Variants in MAGI1 observed in about 807,000 individuals in gnomAD.
MAGI1 encodes the protein membrane associated guanylate kinase, WW and PDZ domain containing 1.
In MAGI1, 58 loss-of-function variants were observed where a neutral mutation model predicts 139.9. The ratio of observed to expected loss-of-function variants is 0.41; its 90% confidence interval spans 0.34 to 0.52. The LOEUF (loss-of-function observed/expected upper bound fraction) is 0.52, where lower values mean the gene tolerates loss of function less well. Ranked by LOEUF, MAGI1 falls within the 20% of genes least tolerant of loss-of-function variation. The pLI, the probability that MAGI1 is intolerant of heterozygous loss-of-function variation, is 0.12. For missense variants in MAGI1, 1,874 were observed against 1,901.6 expected (o/e 0.99, Z 0.27); for synonymous variants, 812 against 737.9 (o/e 1.10, Z -1.63).
intron 1 of MAGI1, among the ~76,000 whole-genome samples, chr3:65,854,093 GCGAGACTCTGT>G (rs1429786012): frequency 1.3e-5 from 2 of 151,526 alleles, no homozygotes; most frequent in Non-Finnish European, 2.9e-5. Context: ...GGGCAACAGA[GCGAGACTCTGT>G]CTCAAAAAAA....
intron 2 of MAGI1, among the ~76,000 whole-genome samples, chr3:65,500,892 GATC>G (rs2077055216): frequency 6.6e-6 from 1 of 152,182 alleles, no homozygotes; most frequent in South Asian, 2.1e-4. Context: ...GTTAAGAACA[GATC>G]ATCATTTTCC....
intron 1 of MAGI1, among the ~76,000 whole-genome samples, chr3:65,968,848 G>C (rs900035939): frequency 6.6e-6 from 1 of 152,118 alleles, no homozygotes; most frequent in African/African-American, 2.4e-5. Context: ...GAAATGTAAT[G>C]GTTTGTTTGA....
chr3:65,442,725 C>T, intron 8 of MAGI1, 67 bp downstream of exon 8: 1 of 1,207,344 alleles, frequency 8.3e-7, no homozygotes, highest in East Asian at 2.4e-5. Context: ...TCAGGCTGTA[C>T]TTAACACAAA....
At chr3:66,025,344 G>A (rs1055313133) in intron 1 of MAGI1, among the ~76,000 whole-genome samples, 3 of 151,922 alleles carry the variant, frequency 2.0e-5, no homozygotes, top group Admixed American at 1.3e-4. Flanking sequence ...TCTGAGACCA[G>A]CCTGAGCAAG....
chr3:65,856,631 T>C (rs985386013), intron 1 of MAGI1, among the ~76,000 whole-genome samples: 4 of 152,196 alleles, frequency 2.6e-5, no homozygotes, highest in Non-Finnish European at 5.9e-5. Flanking sequence ...CTCCCCTCCA[T>C]TCTGACATAT....
chr3:65,478,877 C>G lies in MAGI1; in HGVS notation c.551-79G>C. ...TTTTTAAGACTTCACATCCAAATCTCTAGGCACATTAAAAAAAAAATTAAA... is the reference window on the plus strand; with the variant it reads ...TTTTTAAGACTTCACATCCAAATCTGTAGGCACATTAAAAAAAAAATTAAA... On this transcript the variant is annotated intron_variant, in intron 3 of 22. Coordinates refer to ENST00000402939, the MANE Select transcript of MAGI1 (RefSeq NM_001033057.2). 3 of 1,067,706 alleles carry G rather than the reference C, an allele frequency of 2.8e-6. No homozygotes were observed. In the Admixed American group the frequency reaches 5.9e-5, roughly 21 times the overall value. The allele number at this position is 1,067,706 out of a possible 1,614,324, so 66.1% of individuals were successfully genotyped here. A position where few individuals can be genotyped will look rare whatever the true frequency, so the allele number is the denominator to read the frequency against.
chr3:65,460,991 T>C (rs550083337), intron 5 of MAGI1, among the ~76,000 whole-genome samples: 5 of 152,294 alleles, frequency 3.3e-5, no homozygotes, highest in South Asian at 2.1e-4. Flanking sequence ...CTATTGTGAA[T>C]AGGGCTGCAA....
intron 10 of MAGI1, among the ~76,000 whole-genome samples, chr3:65,431,173 T>C (rs2107346890): frequency 6.6e-6 from 1 of 152,312 alleles, no homozygotes; most frequent in Non-Finnish European, 1.5e-5. Context: ...TTTCCATTCA[T>C]GCACTTTGAC....
intron 1 of MAGI1, among the ~76,000 whole-genome samples, chr3:65,806,511 C>A (rs1313183868): frequency 6.6e-6 from 1 of 152,132 alleles, no homozygotes; most frequent in African/African-American, 2.4e-5. Context: ...TGTTACTGTA[C>A]CTCACTTCCG....
chr3:65,942,569 G>C (rs2063361968), intron 1 of MAGI1, among the ~76,000 whole-genome samples: 1 of 152,132 alleles, frequency 6.6e-6, no homozygotes, highest in Non-Finnish European at 1.5e-5. Context: ...TGAGGTCAAA[G>C]TTCTAATGAT....
At chr3:65,992,051 G>A (rs1283607794) in intron 1 of MAGI1, among the ~76,000 whole-genome samples, 4 of 151,980 alleles carry the variant, frequency 2.6e-5, no homozygotes, top group East Asian at 3.9e-4. Context: ...ACATAAATCC[G>A]AATGCCATGA....
At chr3:65,461,833 G>T (rs1240758228) in intron 5 of MAGI1, among the ~76,000 whole-genome samples, 9 of 152,224 alleles carry the variant, frequency 5.9e-5, no homozygotes, top group East Asian at 5.8e-4. Context: ...GGCATGAGAT[G>T]GTATCTCATT....
chr3:65,540,125 A>G (rs919930446), intron 2 of MAGI1, among the ~76,000 whole-genome samples: 7 of 152,226 alleles, frequency 4.6e-5, no homozygotes, highest in African/African-American at 1.4e-4. Context: ...CACAAACCAC[A>G]TACAACAGCA....
chr3:65,605,082 A>G (rs991496930), intron 2 of MAGI1, among the ~76,000 whole-genome samples: 7 of 152,218 alleles, frequency 4.6e-5, no homozygotes, highest in African/African-American at 1.7e-4. Flanking sequence ...CGACAGCTCT[A>G]ACAAAGATAA....
intron 1 of MAGI1, among the ~76,000 whole-genome samples, chr3:65,815,973 A>C (rs962514581): frequency 2.0e-5 from 3 of 152,236 alleles, no homozygotes; most frequent in Non-Finnish European, 4.4e-5. Context: ...AAAGAAAGGT[A>C]CTAAGTTCAG....
intron 1 of MAGI1, among the ~76,000 whole-genome samples, chr3:65,910,748 T>G (rs2061625401): frequency 6.6e-6 from 1 of 151,984 alleles, no homozygotes; most frequent in Non-Finnish European, 1.5e-5. Context: ...CTCTTTAATT[T>G]TACTTCTCGA....
chr3:65,510,988 G>A (rs1344876943), intron 2 of MAGI1, among the ~76,000 whole-genome samples: 1 of 142,612 alleles, frequency 7.0e-6, no homozygotes, highest in Non-Finnish European at 1.5e-5. Context: ...GAAGAGAGTG[G>A]GGGCCAATAT....
intron 2 of MAGI1, among the ~76,000 whole-genome samples, chr3:65,616,039 G>A (rs2083353828): frequency 6.6e-6 from 1 of 152,176 alleles, no homozygotes; most frequent in Admixed American, 6.5e-5. Flanking sequence ...TCCTCTGTTG[G>A]AACATCCTCT....
rs115410211 is a variant in MAGI1, at chr3:65,719,098, T to C, written c.314-97010A>G. ...AAACAATAAAAAAACATTTGAAAAA[T>C]AACTTTTTAAACCAAAACATTGTGT... On this transcript the variant is annotated intron_variant, in intron 1 of 22. Coordinates refer to ENST00000402939, the MANE Select transcript of MAGI1 (RefSeq NM_001033057.2). Among the ~76,000 whole-genome samples the C allele has an allele frequency of 4.6e-3, 613 of 133,344 alleles. 4 individuals carry two copies. The highest frequency in any genetic ancestry group is 0.016 in the African/African-American group (564 of 36,192). 87.5% of individuals were successfully genotyped at this position (133,344 alleles called of 152,430 possible). A position where few individuals can be genotyped will look rare whatever the true frequency, so the allele number is the denominator to read the frequency against.
Sources: gnomAD v4.1 joint callset for allele counts (sites outside exome capture counted in the v4.1 genomes callset) on GRCh38, gnomAD v4.1.1 for gene constraint, MANE v1.5 for transcripts, NCBI Gene and HGNC (gene_info 2026-07-23, HGNC 2026-07-21) for gene names.